Variants in NYAP2 observed in about 807,000 individuals in gnomAD.
NYAP2 encodes the protein neuronal tyrosine-phosphorylated phosphoinositide-3-kinase adapter 2.
In NYAP2, 23 loss-of-function variants were observed where a neutral mutation model predicts 50.4. The ratio of observed to expected loss-of-function variants is 0.46; its 90% CI spans 0.33 to 0.65. NYAP2 has a LOEUF of 0.65. Ranked by LOEUF, NYAP2 falls within the 30% of genes least tolerant of loss-of-function variation. The pLI is 0.02. For synonymous variants in NYAP2, 394 were observed against 365.2 expected, an observed-to-expected ratio of 1.08 and a Z score of -0.90; for missense variants, 885 against 861.0, an observed-to-expected ratio of 1.03 and a Z score of -0.35.
rs917224721 is a variant in NYAP2, at chr2:225,621,079, A to C, written c.1619-5838A>C. Among the ~76,000 whole-genome samples the C allele has an allele frequency of 1.6e-4, 23 of 141,986 alleles. No homozygotes were observed. In the East Asian group the frequency reaches 4.2e-3, roughly 26 times the overall value. 93.1% of individuals were successfully genotyped at this position (141,986 alleles called of 152,430 possible). On this transcript the variant is annotated intron_variant, in intron 5 of 6. Coordinates refer to ENST00000636099, the Ensembl canonical transcript of NYAP2. ...CGGTGAGCTGAGATCGTGCCACTGCACTCCAGCCTGGGCGACCAGCGAGAC... is the reference window on the plus strand; with the variant it reads ...CGGTGAGCTGAGATCGTGCCACTGCCCTCCAGCCTGGGCGACCAGCGAGAC...
intron 3 of NYAP2, among the ~76,000 whole-genome samples, chr2:225,511,588 G>GA (rs2106184275): frequency 6.6e-6 from 1 of 151,994 alleles, no homozygotes; most frequent in African/African-American, 2.4e-5. Context: ...AAAATATTCA[G>GA]AAAAAAATAC....
intron 3 of NYAP2, among the ~76,000 whole-genome samples, chr2:225,441,316 C>T (rs1689467560): frequency 6.6e-6 from 1 of 152,142 alleles, no homozygotes; most frequent in African/African-American, 2.4e-5. Flanking sequence ...TAAACCAAAT[C>T]TAATAATTAA....
At chr2:225,660,813 T>G in the NYAP2 span, among the ~76,000 whole-genome samples, 1 of 152,344 alleles carries the variant, frequency 6.6e-6, no homozygotes, top group South Asian at 2.1e-4. Context: ...TTGAATTTTT[T>G]TCGTTACTTT....
intron 4 of NYAP2, among the ~76,000 whole-genome samples, chr2:225,525,264 A>C (rs1176717651): frequency 6.6e-6 from 1 of 152,188 alleles, no homozygotes; most frequent in Non-Finnish European, 1.5e-5. Context: ...CCATTTCATC[A>C]AATGTTTTCT....
intron 4 of NYAP2, among the ~76,000 whole-genome samples, chr2:225,529,947 T>C (rs1226901711): frequency 6.6e-6 from 1 of 152,046 alleles, no homozygotes; most frequent in African/African-American, 2.4e-5. Context: ...GACCTCGTGA[T>C]CCACCCACCT....
At position 225,579,754 on chromosome 2, in the gene NYAP2, C is replaced by T. The variant is rs150020102; in HGVS notation, c.524-2187C>T. On this transcript the variant is annotated intron_variant, in intron 4 of 6. Transcript: ENST00000636099. The stretch of plus-strand genomic sequence containing the variant: ...CCCACACTGTAGCCTCCCATAAATG[C>T]AGTGCTGCTACCTAGGCATAGGCTC... Among the ~76,000 whole-genome samples the T allele has an allele frequency of 6.6e-3, 999 of 152,334 alleles. 14 individuals are homozygous for T. The highest frequency in any genetic ancestry group is 0.023 in the African/African-American group (955 of 41,570).
chr2:225,465,651 G>T (rs1055371460), intron 3 of NYAP2, among the ~76,000 whole-genome samples: 5 of 152,156 alleles, frequency 3.3e-5, no homozygotes, highest in Non-Finnish European at 7.3e-5. Context: ...GGGAGGCAGA[G>T]TTTGCAGTGA....
At chr2:225,606,736 T>C (rs1692793911) in intron 5 of NYAP2, among the ~76,000 whole-genome samples, 1 of 152,186 alleles carries the variant, frequency 6.6e-6, no homozygotes. Flanking sequence ...TTTCTTGCCA[T>C]GGCTTTAGTA....
At chr2:225,650,570 A>C (rs1693712430) in intron 6 of NYAP2, among the ~76,000 whole-genome samples, 1 of 152,220 alleles carries the variant, frequency 6.6e-6, no homozygotes, top group African/African-American at 2.4e-5. Flanking sequence ...CTCCAAAGAG[A>C]GTTCTTAGGA....
At chr2:225,650,786 G>T (rs1299393198) in intron 6 of NYAP2, among the ~76,000 whole-genome samples, 1 of 152,182 alleles carries the variant, frequency 6.6e-6, no homozygotes, top group African/African-American at 2.4e-5. Flanking sequence ...TGGATGAAGG[G>T]AACTCTTTCA....
chr2:225,691,358 TTC>T, the NYAP2 span, among the ~76,000 whole-genome samples: 1 of 152,174 alleles, frequency 6.6e-6, no homozygotes, highest in Non-Finnish European at 1.5e-5. Flanking sequence ...CCATTTGAAT[TTC>T]ATGTAATTTC....
intron 3 of NYAP2, among the ~76,000 whole-genome samples, chr2:225,446,316 T>C (rs915210404): frequency 8.1e-5 from 12 of 148,688 alleles, no homozygotes; most frequent in Non-Finnish European, 1.6e-4. Context: ...ATATTAGCTG[T>C]TACTATTGTT....
chr2:225,526,143 C>T (rs1202108440), intron 4 of NYAP2, among the ~76,000 whole-genome samples: 1 of 152,214 alleles, frequency 6.6e-6, no homozygotes, highest in African/African-American at 2.4e-5. Flanking sequence ...GAGCAGAGAA[C>T]ATAGCCTTTT....
At chr2:225,421,932 T>A (rs1230679279) in intron 3 of NYAP2, among the ~76,000 whole-genome samples, 2 of 152,214 alleles carry the variant, frequency 1.3e-5, no homozygotes, top group Non-Finnish European at 2.9e-5. Flanking sequence ...ATTTCAAATA[T>A]CTAATGTTAT....
At chr2:225,693,486 C>A in the NYAP2 span, among the ~76,000 whole-genome samples, 2 of 151,956 alleles carry the variant, frequency 1.3e-5, no homozygotes, top group Non-Finnish European at 2.9e-5. Flanking sequence ...GGTTTCTTGT[C>A]CGTTTGGGGT....
chr2:225,513,618 A>G (rs1690874107), exon 4 of NYAP2: 1 of 1,554,152 alleles, frequency 6.4e-7, no homozygotes, highest in African/African-American at 1.4e-5. Context: ...CTCATCAGAG[A>G]CAGTCAGCAG....
chr2:225,408,872 C>G (rs750748191), exon 3 of NYAP2: 1 of 1,581,270 alleles, frequency 6.3e-7, no homozygotes, highest in African/African-American at 1.3e-5. Context: ...AGGCAGTGTT[C>G]CTCTTTACAT....
intron 3 of NYAP2, among the ~76,000 whole-genome samples, chr2:225,420,835 C>G (rs1178789971): frequency 6.6e-6 from 1 of 152,050 alleles, no homozygotes; most frequent in African/African-American, 2.4e-5. Flanking sequence ...TCTGACATAT[C>G]CAGCTCTTTT....
In NYAP2 at chr2:225,474,740, A is replaced by G. The variant is rs1443939365; in HGVS notation, c.222-38631A>G. On this transcript the variant is annotated intron_variant, in intron 3 of 6. Transcript: ENST00000636099. ...GATGATGGGGTTTTCTAGATATACAATCATGTCATCTGCAAACAAGGACAA... is the reference window on the plus strand; with the variant it reads ...GATGATGGGGTTTTCTAGATATACAGTCATGTCATCTGCAAACAAGGACAA... Among the ~76,000 whole-genome samples the G allele has an allele frequency of 4.6e-5, 7 of 152,354 alleles. No homozygotes were observed. In the East Asian group the frequency reaches 9.6e-4, roughly 21 times the overall value.
Sources: gnomAD v4.1 joint callset for allele counts (sites outside exome capture counted in the v4.1 genomes callset) on GRCh38, gnomAD v4.1.1 for gene constraint, MANE v1.5 for transcripts, NCBI Gene and HGNC (gene_info 2026-07-23, HGNC 2026-07-21) for gene names.